EPHA6: variants seen among roughly 807,000 people sequenced by gnomAD.
The protein encoded by EPHA6 is ephrin type-A receptor 6.
EPHA6 carries 50 observed loss-of-function variants against 112.0 expected under a neutral mutation model. The ratio of observed to expected loss-of-function variants is 0.45; its 90% CI spans 0.36 to 0.56. The LOEUF (loss-of-function observed/expected upper bound fraction) is 0.56, where lower values mean the gene tolerates loss of function less well. EPHA6 is among the 20% of genes least tolerant of loss of function. The probability of loss-of-function intolerance (pLI) is 0.00; values close to 1 mark genes in which losing one functional copy is unlikely to be tolerated. For missense variants in EPHA6, 1,280 were observed against 1,417.4 expected (o/e 0.90, Z 1.56); for synonymous variants, 529 against 490.7 (o/e 1.08, Z -1.03).
intron 2 of EPHA6, among the ~76,000 whole-genome samples, chr3:96,875,758 C>T (rs142303876): frequency 4.9e-4 from 75 of 152,112 alleles, no homozygotes; most frequent in African/African-American, 1.6e-3. Context: ...CATACACAAA[C>T]ACACACATCT....
At chr3:97,205,593 A>G (rs1264739793) in intron 3 of EPHA6, among the ~76,000 whole-genome samples, 1 of 152,058 alleles carries the variant, frequency 6.6e-6, no homozygotes, top group African/African-American at 2.4e-5. Flanking sequence ...TCATATGCAC[A>G]GGTTTCACAG....
At chr3:97,300,159 A>G (rs1348961544) in intron 5 of EPHA6, among the ~76,000 whole-genome samples, 1 of 152,162 alleles carries the variant, frequency 6.6e-6, no homozygotes, top group Non-Finnish European at 1.5e-5. Context: ...CATTCTCTTT[A>G]TTATAGTCGC....
intron 3 of EPHA6, among the ~76,000 whole-genome samples, chr3:97,075,878 TGTC>T (rs2046507869): frequency 6.6e-6 from 1 of 152,048 alleles, no homozygotes; most frequent in African/African-American, 2.4e-5. Flanking sequence ...GAAATTATGT[TGTC>T]ATTGTTTGGG....
chr3:97,087,724 C>G (rs2046945421), intron 3 of EPHA6, among the ~76,000 whole-genome samples: 2 of 152,250 alleles, frequency 1.3e-5, no homozygotes, highest in South Asian at 4.1e-4. Context: ...CTACTTTCCT[C>G]TGTCCATTCC....
chr3:97,628,670 T>C lies in EPHA6; in HGVS notation c.2575-9203T>C, dbSNP rs544073195. Among the ~76,000 whole-genome samples, 6 of 152,168 alleles carry C rather than the reference T, an allele frequency of 3.9e-5. No individual in the cohort carries two copies. In the East Asian group the frequency reaches 7.8e-4, roughly 20 times the overall value. ...TTTGAAGAGTTTCCTTGAGCAAATG[T>C]GAAGCAAATATTAATTTAAAAATTA... is the stretch of plus-strand genomic sequence containing the variant. On this transcript the variant is annotated intron_variant, in intron 13 of 17. Transcript: ENST00000389672.
intron 2 of EPHA6, among the ~76,000 whole-genome samples, chr3:96,983,351 T>C (rs1026673191): frequency 4.6e-5 from 7 of 152,182 alleles, no homozygotes; most frequent in Admixed American, 2.6e-4. Context: ...GGTTGTAAAT[T>C]CTTTTCTTTT....
intron 5 of EPHA6, among the ~76,000 whole-genome samples, chr3:97,319,657 G>A (rs1306007156): frequency 4.4e-5 from 6 of 135,180 alleles, no homozygotes; most frequent in East Asian, 4.5e-4. Context: ...GCGACAGAGC[G>A]AGATTGTCTC....
intron 5 of EPHA6, among the ~76,000 whole-genome samples, chr3:97,346,559 A>G (rs990089049): frequency 2.6e-5 from 4 of 152,042 alleles, no homozygotes; most frequent in Non-Finnish European, 4.4e-5. Flanking sequence ...AGCTCCCACC[A>G]TCACATCCCC....
intron 3 of EPHA6, among the ~76,000 whole-genome samples, chr3:97,128,266 A>G (rs1218195124): frequency 6.6e-6 from 1 of 152,204 alleles, no homozygotes; most frequent in Admixed American, 6.5e-5. Flanking sequence ...TTGATGGGCA[A>G]TTAGACTGAA....
chr3:96,835,206 A>G (rs528377281), intron 1 of EPHA6, among the ~76,000 whole-genome samples: 13 of 152,106 alleles, frequency 8.5e-5, no homozygotes, highest in African/African-American at 2.9e-4. Flanking sequence ...TGGAGATACA[A>G]ATATGAGTAA....
rs188472343 is a variant in EPHA6, at chr3:97,178,766, T to G, written c.1115-47498T>G. On this transcript the variant is annotated intron_variant, in intron 3 of 17. Transcript: ENST00000389672. Reference sequence around the variant, plus strand: ...TTCGTTTCTTTTCTCTTGCTGCTTTTAGGAAACTTTCTTTATCTTTGATCT... The same window carrying G: ...TTCGTTTCTTTTCTCTTGCTGCTTTGAGGAAACTTTCTTTATCTTTGATCT... Among the ~76,000 whole-genome samples, 14 of 152,272 alleles carry G rather than the reference T, an allele frequency of 9.2e-5. No individual in the cohort carries two copies. In the East Asian group the frequency reaches 2.7e-3, roughly 29 times the overall value.
chr3:97,623,927 A>T (rs2093833903), intron 13 of EPHA6, among the ~76,000 whole-genome samples: 1 of 151,670 alleles, frequency 6.6e-6, no homozygotes. Context: ...AAGTTTTGAA[A>T]TCAGGAAATG....
At chr3:97,635,493 A>T (rs1250492620) in intron 13 of EPHA6, among the ~76,000 whole-genome samples, 3 of 152,188 alleles carry the variant, frequency 2.0e-5, no homozygotes, top group African/African-American at 7.2e-5. Flanking sequence ...TTACTGATAC[A>T]TGCTACAATG....
chr3:97,286,061 G>A (rs1295917152), intron 5 of EPHA6, among the ~76,000 whole-genome samples: 8 of 151,922 alleles, frequency 5.3e-5, no homozygotes, highest in African/African-American at 1.7e-4. Flanking sequence ...TATCCCTTTG[G>A]TCCCTTTTGA....
intron 5 of EPHA6, among the ~76,000 whole-genome samples, chr3:97,273,153 G>A (rs766036855): frequency 5.9e-5 from 9 of 152,248 alleles, no homozygotes; most frequent in Admixed American, 4.6e-4. Flanking sequence ...CAGAATAAGA[G>A]AAGGAGAAAA....
At chr3:97,587,205 C>T (rs997525740) in intron 11 of EPHA6, among the ~76,000 whole-genome samples, 1 of 151,944 alleles carries the variant, frequency 6.6e-6, no homozygotes, top group Non-Finnish European at 1.5e-5. Context: ...GCCAAGATCA[C>T]CCCTTAGCCT....
chr3:97,425,476 A>C (rs2089038799), intron 6 of EPHA6, among the ~76,000 whole-genome samples: 1 of 152,212 alleles, frequency 6.6e-6, no homozygotes, highest in South Asian at 2.1e-4. Context: ...GGTCCCTTTT[A>C]GCCATGGCTG....
chr3:97,510,711 C>T (rs1327928433), intron 10 of EPHA6, among the ~76,000 whole-genome samples: 1 of 152,190 alleles, frequency 6.6e-6, no homozygotes, highest in Non-Finnish European at 1.5e-5. Flanking sequence ...AAAGCTTGAG[C>T]TCTGTGTTAG....
intron 13 of EPHA6, among the ~76,000 whole-genome samples, chr3:97,611,878 A>C (rs1389904631): frequency 1.3e-5 from 2 of 151,308 alleles, no homozygotes; most frequent in Non-Finnish European, 3.0e-5. Flanking sequence ...ATTTTCATTT[A>C]TTTTTCTTGG....
Sources: allele counts gnomAD v4.1 joint callset (sites outside exome capture counted in the v4.1 genomes callset), GRCh38; gene constraint gnomAD v4.1.1; transcripts MANE v1.5; gene names NCBI Gene and HGNC (gene_info 2026-07-23, HGNC 2026-07-21).